Variants in SRP72 observed in about 807,000 individuals in gnomAD.
SRP72 encodes signal recognition particle subunit SRP72.
A neutral mutation model predicts 96.3 loss-of-function variants in SRP72; 49 were observed. That is an observed-to-expected ratio of 0.51 (90% CI 0.40 to 0.65). SRP72 has a LOEUF of 0.65. Among genes scored for constraint, SRP72 ranks in the 30% least tolerant of loss-of-function variants. The pLI is 0.00. For missense variants in SRP72, 736 were observed against 793.3 expected (o/e 0.93, Z 0.87); for synonymous variants, 267 against 275.2 (o/e 0.97, Z 0.30).
chr4:56,494,493 TC>T (rs1721012784), intron 16 of SRP72, among the ~76,000 whole-genome samples: 1 of 150,752 alleles, frequency 6.6e-6, no homozygotes, highest in South Asian at 2.1e-4. Flanking sequence ...AGCCTCTGCC[TC>T]CCTGGTTCAA....
intron 3 of SRP72, among the ~76,000 whole-genome samples, 190 bp downstream of exon 3, chr4:56,472,033 T>A (rs563928777): frequency 6.6e-6 from 1 of 152,208 alleles, no homozygotes; most frequent in Non-Finnish European, 1.5e-5. Context: ...TATAATGTGC[T>A]ATGAACAAAT....
chr4:56,473,525 T>G (rs1042113879), intron 3 of SRP72, among the ~76,000 whole-genome samples: 1 of 151,182 alleles, frequency 6.6e-6, no homozygotes, highest in Non-Finnish European at 1.5e-5. Flanking sequence ...TCCCAGCACT[T>G]TGGGAGGCTG....
intron 18 of SRP72, among the ~76,000 whole-genome samples, chr4:56,500,910 G>T (rs1253319643): frequency 6.6e-6 from 1 of 152,030 alleles, no homozygotes; most frequent in African/African-American, 2.4e-5. Flanking sequence ...ATAGTTTTAA[G>T]TATTTACAAT....
intron 16 of SRP72, among the ~76,000 whole-genome samples, chr4:56,494,800 A>C (rs1231854798): frequency 6.6e-6 from 1 of 152,160 alleles, no homozygotes; most frequent in African/African-American, 2.4e-5. Flanking sequence ...TTTTACTTAC[A>C]TAAAAAAATT....
At chr4:56,488,744 C>T (rs982602728) in intron 12 of SRP72, among the ~76,000 whole-genome samples, 3 of 152,040 alleles carry the variant, frequency 2.0e-5, no homozygotes, top group Non-Finnish European at 4.4e-5. Context: ...TCTTTATTGT[C>T]CTTTTAATAT....
chr4:56,497,452 C>T (rs1170338913), intron 17 of SRP72, among the ~76,000 whole-genome samples: 1 of 151,964 alleles, frequency 6.6e-6, no homozygotes, highest in African/African-American at 2.4e-5. Flanking sequence ...ATCTCCTCAC[C>T]TCGTGATCTG....
intron 8 of SRP72, among the ~76,000 whole-genome samples, chr4:56,479,635 A>G (rs1335111219): frequency 6.7e-6 from 1 of 148,868 alleles, no homozygotes; most frequent in Admixed American, 6.8e-5. Context: ...ACACACCACC[A>G]TGCCCGGCTA....
At chr4:56,477,135 T>C (rs1720259845) in intron 6 of SRP72, 1 of 153,726 alleles carries the variant, frequency 6.5e-6, no homozygotes, top group Non-Finnish European at 1.4e-5. Context: ...TATGTTTTTT[T>C]TTTGTTGTTT....
At chr4:56,471,653 G>C (rs1444109146) in intron 2 of SRP72, 67 bp from the exon 3 acceptor site, 3 of 1,566,690 alleles carry the variant, frequency 1.9e-6, no homozygotes, top group Non-Finnish European at 2.6e-6. Flanking sequence ...TTAGAGTGGT[G>C]TTGTATATAA....
chr4:56,478,924 A>C (rs1720357458), intron 8 of SRP72, among the ~76,000 whole-genome samples: 1 of 152,180 alleles, frequency 6.6e-6, no homozygotes, highest in African/African-American at 2.4e-5. Flanking sequence ...TCTCTTTGTA[A>C]GAGATATAAA....
chr4:56,479,339 C>G (rs1434577101), intron 8 of SRP72, among the ~76,000 whole-genome samples: 1 of 152,012 alleles, frequency 6.6e-6, no homozygotes, highest in Non-Finnish European at 1.5e-5. Flanking sequence ...GCCACCATGC[C>G]TGTCTAATTT....
chr4:56,491,604 T>C (rs1418427842), intron 16 of SRP72, 36 bp downstream of exon 16: 7 of 1,579,412 alleles, frequency 4.4e-6, no homozygotes, highest in African/African-American at 1.4e-5. Context: ...CTAATGCTGA[T>C]TTTAAATTAG....
At position 56,490,380 on chromosome 4, in the gene SRP72, C is replaced by G. The variant is rs1720864875; in HGVS notation, c.1368C>G (p.Phe456Leu). ...CCTTGATAAGAGAAGCTGCAAACTT[C>G]AAACTCAAATATGGGCGGAAGAAGG... ...HLSLIREAANFKLKYGRKKEA... is the reference protein window; with the variant it reads ...HLSLIREAANLKLKYGRKKEA... The change falls in exon 14 of 19, where the codon TTC becomes TTG. Residue 456 changes from phenylalanine (F) to leucine (L), a missense_variant. Physicochemically the swap from Phe to Leu is conservative, Grantham distance 22. Coordinates refer to ENST00000642900, the MANE Select transcript of SRP72 (RefSeq NM_006947.4). 1.2e-6 allele frequency: 2 copies of G among 1,613,958 alleles called. No individual in the cohort carries two copies. Among genetic ancestry groups the G allele is most frequent in the Non-Finnish European group, 1.7e-6 (2 of 1,179,948 alleles).
intron 18 of SRP72, 85 bp from the exon 19 acceptor site, chr4:56,501,599 T>C: frequency 1.7e-6 from 2 of 1,173,356 alleles, no homozygotes; most frequent in Middle Eastern, 2.0e-4. Context: ...TTGTTAAGTG[T>C]GATAAGTAAA....
At chr4:56,473,211 G>A (rs957134086) in intron 3 of SRP72, among the ~76,000 whole-genome samples, 3 of 151,972 alleles carry the variant, frequency 2.0e-5, no homozygotes, top group African/African-American at 7.2e-5. Flanking sequence ...ATCACTTTTC[G>A]CACTTGGGGA....
At chr4:56,493,302 C>CT (rs1326872845) in intron 16 of SRP72, among the ~76,000 whole-genome samples, 1 of 152,146 alleles carries the variant, frequency 6.6e-6, no homozygotes, top group East Asian at 2.0e-4. Flanking sequence ...TCCCAAAGTG[C>CT]TGGGATTACA....
intron 2 of SRP72, among the ~76,000 whole-genome samples, 194 bp downstream of exon 2, chr4:56,469,967 A>G (rs374902710): frequency 2.3e-5 from 3 of 130,968 alleles, no homozygotes; most frequent in Admixed American, 8.5e-5. Flanking sequence ...TTTCAGCCTT[A>G]GAGAGTTTTT....
chr4:56,502,326 G>GT lies in SRP72; in HGVS notation c.*466dup, dbSNP rs1199643776. Reference sequence around the variant, plus strand: ...CTAAATATCTGCTTAGAAATATCATGTGATAAAGAGGGACCTTCTTAATAC... The same window carrying GT: ...CTAAATATCTGCTTAGAAATATCATGTTGATAAAGAGGGACCTTCTTAATAC... On this transcript the variant is annotated 3_prime_UTR_variant, in exon 19 of 19. Coordinates refer to ENST00000642900, the MANE Select transcript of SRP72 (RefSeq NM_006947.4). The GT allele has an allele frequency of 6.5e-6, 1 of 154,852 alleles. No homozygotes were observed. The highest frequency in any genetic ancestry group is 2.4e-5 in the African/African-American group (1 of 41,390). 9.6% of individuals were successfully genotyped at this position (154,852 alleles called of 1,614,324 possible).
intron 1 of SRP72, 71 bp downstream of exon 1, chr4:56,467,815 GACCAC>G: frequency 1.5e-6 from 2 of 1,342,918 alleles, no homozygotes; most frequent in Non-Finnish European, 1.9e-6. Flanking sequence ...CGGCGCGCGA[GACCAC>G]CTCGCGCGGG....
Sources: gnomAD v4.1 joint callset for allele counts (sites outside exome capture counted in the v4.1 genomes callset) on GRCh38, gnomAD v4.1.1 for gene constraint, MANE v1.5 for transcripts, NCBI Gene and HGNC (gene_info 2026-07-23, HGNC 2026-07-21) for gene names.